Variants in KIAA0825 observed in about 807,000 individuals in gnomAD.
KIAA0825 encodes the protein KIAA0825, also known as uncharacterized protein KIAA0825.
KIAA0825 carries 119 observed loss-of-function variants against 147.6 expected under a neutral mutation model. The observed-to-expected ratio is 0.81, with a 90% CI of 0.69 to 0.94. The LOEUF (loss-of-function observed/expected upper bound fraction) is 0.94. Ranked by LOEUF, KIAA0825 falls within the 40% of genes least tolerant of loss-of-function variation. The pLI is 0.00. For missense variants in KIAA0825, 1,381 were observed against 1,472.7 expected, an observed-to-expected ratio of 0.94 and a Z score of 1.02; for synonymous variants, 470 against 518.1, an observed-to-expected ratio of 0.91 and a Z score of 1.26.
intron 20 of KIAA0825, among the ~76,000 whole-genome samples, chr5:94,256,411 A>G (rs1246668886): frequency 6.6e-6 from 1 of 152,128 alleles, no homozygotes; most frequent in Non-Finnish European, 1.5e-5. Flanking sequence ...TTTCTTGTAT[A>G]TGAATATTCT....
intron 20 of KIAA0825, among the ~76,000 whole-genome samples, chr5:94,262,618 T>C (rs1380548375): frequency 1.3e-5 from 2 of 152,180 alleles, no homozygotes; most frequent in African/African-American, 4.8e-5. Context: ...GTAAGATGGA[T>C]CTTCATGTAG....
intron 20 of KIAA0825, among the ~76,000 whole-genome samples, chr5:94,232,154 G>T (rs1476996111): frequency 6.6e-6 from 1 of 152,062 alleles, no homozygotes; most frequent in Non-Finnish European, 1.5e-5. Context: ...ATTTAAGAAG[G>T]TACATTAGGT....
chr5:94,367,200 C>T (rs1297565330), intron 20 of KIAA0825, among the ~76,000 whole-genome samples: 1 of 152,098 alleles, frequency 6.6e-6, no homozygotes, highest in African/African-American at 2.4e-5. Context: ...GAGGAACCTC[C>T]ACTTTATTTT....
intron 2 of KIAA0825, chr5:94,568,972 T>C (rs1199204752): frequency 6.0e-6 from 1 of 166,894 alleles, no homozygotes; most frequent in East Asian, 1.5e-4. Flanking sequence ...AATTACAATA[T>C]ATACACCAAC....
intron 20 of KIAA0825, among the ~76,000 whole-genome samples, chr5:94,280,650 C>T (rs979546310): frequency 6.6e-6 from 1 of 152,038 alleles, no homozygotes; most frequent in African/African-American, 2.4e-5. Context: ...ATCTGATGCT[C>T]AAATAGCTGC....
intron 17 of KIAA0825, among the ~76,000 whole-genome samples, chr5:94,393,905 A>G (rs1352926204): frequency 6.6e-6 from 1 of 151,366 alleles, no homozygotes; most frequent in African/African-American, 2.4e-5. Context: ...CTGGAGTGCA[A>G]TGGCGCAATC....
At chr5:94,462,823 A>C (rs1760002193) in intron 11 of KIAA0825, among the ~76,000 whole-genome samples, 1 of 151,862 alleles carries the variant, frequency 6.6e-6, no homozygotes, top group South Asian at 2.1e-4. Flanking sequence ...GTGCTTTTAA[A>C]AACTGTTTCT....
At chr5:94,574,347 A>G (rs938837287) in intron 2 of KIAA0825, among the ~76,000 whole-genome samples, 1 of 152,036 alleles carries the variant, frequency 6.6e-6, no homozygotes, top group Admixed American at 6.6e-5. Context: ...GTTCGAGACC[A>G]GTCTGGCCAA....
intron 20 of KIAA0825, among the ~76,000 whole-genome samples, chr5:94,226,500 CA>C (rs1583908437): frequency 6.6e-6 from 1 of 152,110 alleles, no homozygotes; most frequent in East Asian, 1.9e-4. Flanking sequence ...TTTGACCCAG[CA>C]ATCCCATAAA....
intron 6 of KIAA0825, among the ~76,000 whole-genome samples, chr5:94,477,525 T>C (rs191695074): frequency 7.9e-4 from 120 of 152,200 alleles, no homozygotes; most frequent in African/African-American, 2.8e-3. Flanking sequence ...TTTTTGTCAT[T>C]AGTTTATTTT....
chr5:94,519,687 TTGAC>T (rs759800369), intron 5 of KIAA0825: 223 of 716,556 alleles, frequency 3.1e-4, no homozygotes, highest in East Asian at 1.2e-3. Context: ...ATTATTAGAA[TTGAC>T]TGACTAAAAT....
chr5:94,428,155 G>C (rs906894558), intron 14 of KIAA0825, among the ~76,000 whole-genome samples: 38 of 130,514 alleles, frequency 2.9e-4, no homozygotes, highest in Non-Finnish European at 8.3e-5. Context: ...GTGTGTGTGT[G>C]TGTGTGTGTG....
intron 5 of KIAA0825, among the ~76,000 whole-genome samples, chr5:94,491,067 C>T (rs1411805815): frequency 6.6e-6 from 1 of 151,916 alleles, no homozygotes; most frequent in Non-Finnish European, 1.5e-5. Context: ...AGAAGCTACA[C>T]AATCAGATAA....
intron 20 of KIAA0825, among the ~76,000 whole-genome samples, chr5:94,234,863 A>T (rs1344081781): frequency 6.6e-6 from 1 of 152,172 alleles, no homozygotes; most frequent in Non-Finnish European, 1.5e-5. Flanking sequence ...CAAATATCCA[A>T]ACTATATCAA....
intron 1 of KIAA0825, among the ~76,000 whole-genome samples, chr5:94,601,991 C>T (rs1786549264): frequency 6.6e-6 from 1 of 152,178 alleles, no homozygotes; most frequent in South Asian, 2.1e-4. Flanking sequence ...TCCATGAGAA[C>T]TTCCACAACC....
At chr5:94,571,044 G>C (rs1779877850) in intron 2 of KIAA0825, among the ~76,000 whole-genome samples, 1 of 152,142 alleles carries the variant, frequency 6.6e-6, no homozygotes, top group African/African-American at 2.4e-5. Flanking sequence ...CACTTGGATT[G>C]GTAGAATATT....
intron 20 of KIAA0825, among the ~76,000 whole-genome samples, chr5:94,199,547 A>G (rs1397447799): frequency 6.6e-6 from 1 of 152,040 alleles, no homozygotes; most frequent in Non-Finnish European, 1.5e-5. Context: ...GCATACTGAC[A>G]GAGTGGTTGG....
At chr5:94,321,396 T>A (rs1484168387) in intron 20 of KIAA0825, among the ~76,000 whole-genome samples, 1 of 151,990 alleles carries the variant, frequency 6.6e-6, no homozygotes, top group Non-Finnish European at 1.5e-5. Flanking sequence ...CCAGCTATTA[T>A]TTGAAGTTTT....
chr5:94,284,712 A>G (rs1360416369), intron 20 of KIAA0825, among the ~76,000 whole-genome samples: 1 of 150,990 alleles, frequency 6.6e-6, no homozygotes, highest in Non-Finnish European at 1.5e-5. Flanking sequence ...TTTTTCCTTT[A>G]CCCTCTGTTT....
Sources: allele counts gnomAD v4.1 joint callset (sites outside exome capture counted in the v4.1 genomes callset), GRCh38; gene constraint gnomAD v4.1.1; transcripts MANE v1.5; gene names NCBI Gene and HGNC (gene_info 2026-07-23, HGNC 2026-07-21).